The following ADD2 variants were observed in gnomAD, a reference collection of about 807,000 sequenced individuals.
The protein encoded by ADD2 is beta-adducin.
Under a neutral mutation model 83.0 loss-of-function variants are expected in ADD2, and 23 were observed. The ratio of observed to expected loss-of-function variants is 0.28; its 90% CI spans 0.20 to 0.39. ADD2 has a LOEUF of 0.39. Among genes scored for constraint, ADD2 ranks in the 10% least tolerant of loss-of-function variants. The pLI, the probability that ADD2 is intolerant of heterozygous loss-of-function variation, is 1.00. For missense variants in ADD2, 758 were observed against 944.9 expected (o/e 0.80, Z 2.59); for synonymous variants, 375 against 375.4 (o/e 1.00, Z 0.01).
At position 70,657,428 on chromosome 2, in the gene ADD2, G is replaced by C. The variant is rs1675398569; in HGVS notation, c.*5997C>G. The C allele has an allele frequency of 6.6e-6, 1 of 152,200 alleles. No homozygotes were observed. Among genetic ancestry groups the C allele is most frequent in the Admixed American group, 6.5e-5 (1 of 15,272 alleles). The allele number at this position is 152,200 out of a possible 1,614,324, so 9.4% of individuals were successfully genotyped here. A position where few individuals can be genotyped will look rare whatever the true frequency, so the allele number is the denominator to read the frequency against. Reference sequence around the variant, plus strand: ...TTCTCCCCCACCTGGCCTCTTCCCGGAGAGAGCAAACACTAAGATGTTGGT... The same window carrying C: ...TTCTCCCCCACCTGGCCTCTTCCCGCAGAGAGCAAACACTAAGATGTTGGT... On this transcript the variant is annotated 3_prime_UTR_variant, in exon 16 of 16. Coordinates refer to ENST00000264436, the MANE Select transcript of ADD2 (RefSeq NM_001617.4).
In ADD2 at chr2:70,696,076, A is replaced by C. The variant is rs116243584; in HGVS notation, c.474+169T>G. On this transcript the variant is annotated intron_variant, in intron 5 of 15. Transcript: ENST00000264436. ...CCATCCAAAAAAGTGCCCACTGGGC[A>C]GGATGCCTTATCAATGACCACAGTG... 4.9e-3 allele frequency among the ~76,000 whole-genome samples: 742 copies of C among 152,364 alleles called. 3 individuals are homozygous for C. Among genetic ancestry groups the C allele is most frequent in the African/African-American group, 0.017 (710 of 41,578 alleles).
At chr2:70,767,330 GTGCCGGT>G (rs1483695296) in intron 1 of ADD2, 1 of 152,158 alleles carries the variant, frequency 6.6e-6, no homozygotes, top group Non-Finnish European at 1.5e-5. Flanking sequence ...GCCCGCTCAC[GTGCCGGT>G]TGCCCCGATC....
intron 1 of ADD2, among the ~76,000 whole-genome samples, chr2:70,715,518 C>G: frequency 6.6e-6 from 1 of 152,150 alleles, no homozygotes. Context: ...TCAGAAAGCA[C>G]CAGAGGCACA....
chr2:70,671,498 A>G (rs1479727068), intron 15 of ADD2, among the ~76,000 whole-genome samples: 4 of 144,014 alleles, frequency 2.8e-5, no homozygotes, highest in Admixed American at 6.8e-5. Flanking sequence ...ATTTCTTTTG[A>G]AAAAAAAAAT....
At chr2:70,664,999 A>G (rs534142642) in intron 15 of ADD2, among the ~76,000 whole-genome samples, 24 of 151,868 alleles carry the variant, frequency 1.6e-4, no homozygotes, top group African/African-American at 5.3e-4. Flanking sequence ...TGAGTGTGTG[A>G]CACACCTGTG....
chr2:70,726,437 A>G (rs1257152707), intron 1 of ADD2, among the ~76,000 whole-genome samples: 1 of 152,202 alleles, frequency 6.6e-6, no homozygotes, highest in Non-Finnish European at 1.5e-5. Context: ...TCACCCAGGC[A>G]GTGCTAATGA....
intron 1 of ADD2, among the ~76,000 whole-genome samples, chr2:70,742,312 A>T (rs1272762872): frequency 2.0e-5 from 3 of 152,204 alleles, no homozygotes; most frequent in Non-Finnish European, 4.4e-5. Flanking sequence ...TGTATAATCA[A>T]GTACATTACC....
intron 6 of ADD2, 84 bp downstream of exon 6, chr2:70,695,637 T>A (rs1288445700): frequency 1.5e-6 from 2 of 1,325,788 alleles, no homozygotes; most frequent in African/African-American, 2.9e-5. Context: ...CAGTGACCAA[T>A]TTGGAGATGA....
At chr2:70,693,598 T>A (rs75763879) in intron 6 of ADD2, among the ~76,000 whole-genome samples, 5,245 of 152,236 alleles carry the variant, frequency 0.034, 310 homozygotes, top group African/African-American at 0.12. Context: ...AATCTCCACT[T>A]ACAATATCCT....
At chr2:70,709,967 A>G (rs1442726684) in intron 2 of ADD2, among the ~76,000 whole-genome samples, 1 of 152,118 alleles carries the variant, frequency 6.6e-6, no homozygotes, top group Non-Finnish European at 1.5e-5. Flanking sequence ...TGTGGCCCCC[A>G]CTCAGATTCT....
At chr2:70,701,398 G>A (rs1553373493) in intron 4 of ADD2, among the ~76,000 whole-genome samples, 2 of 151,994 alleles carry the variant, frequency 1.3e-5, no homozygotes, top group African/African-American at 2.4e-5. Context: ...TCCTCAACAC[G>A]ATAAAAAATA....
At chr2:70,761,911 T>C (rs1675127111) in intron 1 of ADD2, among the ~76,000 whole-genome samples, 1 of 151,548 alleles carries the variant, frequency 6.6e-6, no homozygotes, top group South Asian at 2.1e-4. Context: ...CCTCACGATC[T>C]ACCCGCCCTG....
chr2:70,727,850 C>T lies in ADD2; in HGVS notation c.-153-14666G>A, dbSNP rs534727701. Among the ~76,000 whole-genome samples, 213 of 151,882 alleles carry T rather than the reference C, an allele frequency of 1.4e-3. 3 individuals carry two copies. The highest frequency in any genetic ancestry group is 6.4e-3 in the Admixed American group (98 of 15,234). On this transcript the variant is annotated intron_variant, in intron 1 of 15. Coordinates refer to ENST00000264436, the MANE Select transcript of ADD2 (RefSeq NM_001617.4). The stretch of plus-strand genomic sequence containing the variant: ...GGCTGAGGTTGCAGTGAGCTGAGAT[C>T]GTGCCACTGCACTCCAGCCTGGGCG...
At chr2:70,704,272 C>T (rs782092216) in intron 4 of ADD2, 49 bp downstream of exon 4, 12 of 1,317,382 alleles carry the variant, frequency 9.1e-6, no homozygotes, top group Admixed American at 2.1e-5. Context: ...TTCCCCACCC[C>T]ACCCTCCCCT....
intron 9 of ADD2, among the ~76,000 whole-genome samples, chr2:70,687,593 A>AAAACAAAC (rs56727401): frequency 3.6e-4 from 54 of 149,528 alleles, no homozygotes; most frequent in African/African-American, 1.0e-3. Flanking sequence ...CCCTCCCCTC[A>AAAACAAAC]AAACAAACAA....
In ADD2 at chr2:70,659,937, T is replaced by G. The variant is rs1675484959; in HGVS notation, c.*3488A>C. ...CAGCACATTGGTTCAAATGTTACCC[T>G]TTTCTCTGGCACATCCAAGCACAGT... On this transcript the variant is annotated 3_prime_UTR_variant, in exon 16 of 16. Coordinates refer to ENST00000264436, the MANE Select transcript of ADD2 (RefSeq NM_001617.4). 1.3e-5 allele frequency: 2 copies of G among 152,298 alleles called. No individual in the cohort carries two copies. Among genetic ancestry groups the G allele is most frequent in the African/African-American group, 4.8e-5 (2 of 41,448 alleles). 9.4% of individuals were successfully genotyped at this position (152,298 alleles called of 1,614,324 possible).
chr2:70,750,063 G>A (rs546218241), intron 1 of ADD2, among the ~76,000 whole-genome samples: 24 of 152,102 alleles, frequency 1.6e-4, no homozygotes, highest in African/African-American at 4.8e-4. Flanking sequence ...CTTTCATATC[G>A]TAGGTGCCTG....
chr2:70,727,679 G>A (rs11894705), intron 1 of ADD2, among the ~76,000 whole-genome samples: 2,701 of 152,158 alleles, frequency 0.018, 77 homozygotes, highest in African/African-American at 0.061. Flanking sequence ...CAGATCACTT[G>A]CAGTCAGGAG....
chr2:70,694,188 A>G (rs1553372203), intron 6 of ADD2, among the ~76,000 whole-genome samples: 1 of 152,214 alleles, frequency 6.6e-6, no homozygotes, highest in African/African-American at 2.4e-5. Context: ...TGAACCTAGA[A>G]TAACCAAATG....
Sources: allele counts gnomAD v4.1 joint callset (sites outside exome capture counted in the v4.1 genomes callset), GRCh38; gene constraint gnomAD v4.1.1; transcripts MANE v1.5; gene names NCBI Gene and HGNC (gene_info 2026-07-23, HGNC 2026-07-21).